Variants in PPM1E observed in about 807,000 individuals in gnomAD.
PPM1E encodes protein phosphatase 1E.
Under a neutral mutation model 65.9 loss-of-function variants are expected in PPM1E, and 20 were observed. That is an observed-to-expected ratio of 0.30 (90% confidence interval 0.21 to 0.44). PPM1E has a LOEUF of 0.44. Ranked by LOEUF, PPM1E falls within the 20% of genes least tolerant of loss-of-function variation. The pLI is 1.00. For synonymous variants in PPM1E, 352 were observed against 374.9 expected, an observed-to-expected ratio of 0.94 and a Z score of 0.70; for missense variants, 713 against 953.1, an observed-to-expected ratio of 0.75 and a Z score of 3.32.
At chr17:58,976,838 A>G (rs970781903) in intron 6 of PPM1E, among the ~76,000 whole-genome samples, 6 of 152,166 alleles carry the variant, frequency 3.9e-5, no homozygotes, top group African/African-American at 1.4e-4. Context: ...CACTAAAACA[A>G]GATTTTTGGG....
intron 1 of PPM1E, among the ~76,000 whole-genome samples, chr17:58,853,873 G>GTT (rs1220616189): frequency 1.3e-5 from 2 of 151,972 alleles, no homozygotes; most frequent in African/African-American, 4.8e-5. Flanking sequence ...CTCCAGCATT[G>GTT]TTTTTCCTTT....
chr17:58,927,032 AT>A (rs2051831139), intron 1 of PPM1E, among the ~76,000 whole-genome samples: 2 of 151,824 alleles, frequency 1.3e-5, no homozygotes, highest in African/African-American at 2.4e-5. Context: ...TCTGATAGAA[AT>A]TTGTCAGAAC....
intron 1 of PPM1E, among the ~76,000 whole-genome samples, chr17:58,841,878 T>A (rs570315432): frequency 6.6e-6 from 1 of 152,248 alleles, no homozygotes; most frequent in South Asian, 2.1e-4. Context: ...TGGCTAATTT[T>A]TGTATTTTTT....
chr17:58,890,252 T>G (rs2051328866), intron 1 of PPM1E, among the ~76,000 whole-genome samples: 1 of 152,194 alleles, frequency 6.6e-6, no homozygotes, highest in Admixed American at 6.5e-5. Context: ...TTAAGATTAT[T>G]TAACACAACT....
At position 58,972,373 on chromosome 17, in the gene PPM1E, T is replaced by TG. The variant is rs2030689900; in HGVS notation, c.1116+100dup. ...TCACTTACTTTTTTTTTTTTTGAGA[T>TG]GGAGTTTCACTCTGTTGCCCAGGCT... is the stretch of plus-strand genomic sequence containing the variant. On this transcript the variant is annotated intron_variant, in intron 5 of 6. Coordinates refer to ENST00000308249, the MANE Select transcript of PPM1E (RefSeq NM_014906.5). The TG allele has an allele frequency of 4.6e-6, 6 of 1,303,638 alleles. 1 individual carries two copies. In the South Asian group the frequency reaches 9.0e-5, roughly 20 times the overall value. 80.8% of individuals were successfully genotyped at this position (1,303,638 alleles called of 1,614,324 possible).
intron 1 of PPM1E, among the ~76,000 whole-genome samples, chr17:58,905,066 C>T (rs574738323): frequency 6.6e-6 from 1 of 151,078 alleles, no homozygotes; most frequent in East Asian, 1.9e-4. Context: ...CAAACAATTT[C>T]TCCTATAGTT....
chr17:58,784,618 G>A (rs1035780268), intron 1 of PPM1E, among the ~76,000 whole-genome samples: 12 of 149,852 alleles, frequency 8.0e-5, no homozygotes, highest in African/African-American at 2.7e-4. Flanking sequence ...TCCGCCTCCC[G>A]GGTTCAAGCA....
intron 1 of PPM1E, among the ~76,000 whole-genome samples, chr17:58,807,597 A>C (rs2050328099): frequency 6.6e-6 from 1 of 152,204 alleles, no homozygotes; most frequent in African/African-American, 2.4e-5. Flanking sequence ...TGACATATCA[A>C]TTTTTAAAAA....
intron 3 of PPM1E, among the ~76,000 whole-genome samples, chr17:58,967,004 T>C (rs900054843): frequency 1.3e-5 from 2 of 152,216 alleles, no homozygotes; most frequent in African/African-American, 4.8e-5. Context: ...TATATCACTA[T>C]ACCTACTTGA....
At chr17:58,849,380 A>C (rs1289941958) in intron 1 of PPM1E, among the ~76,000 whole-genome samples, 2 of 152,140 alleles carry the variant, frequency 1.3e-5, no homozygotes, top group African/African-American at 4.8e-5. Context: ...TCAATTTTAG[A>C]TCTTTCCTGC....
At chr17:58,817,307 A>G (rs1207896604) in intron 1 of PPM1E, among the ~76,000 whole-genome samples, 4 of 152,144 alleles carry the variant, frequency 2.6e-5, no homozygotes, top group East Asian at 1.9e-4. Flanking sequence ...GCCGGATCAT[A>G]TGGTAATTCT....
chr17:58,820,270 C>T (rs188526224), intron 1 of PPM1E, among the ~76,000 whole-genome samples: 26 of 152,196 alleles, frequency 1.7e-4, no homozygotes, highest in African/African-American at 3.6e-4. Flanking sequence ...CAATGATAAA[C>T]GGCATGAATT....
intron 1 of PPM1E, among the ~76,000 whole-genome samples, chr17:58,895,380 A>C (rs11650809): frequency 6.6e-6 from 1 of 151,998 alleles, no homozygotes; most frequent in Admixed American, 6.6e-5. Context: ...GAAATGATTA[A>C]GTTTAGTGAG....
intron 1 of PPM1E, chr17:58,785,458 T>TTATATATATATATATCTA (rs2050089727): frequency 1.1e-5 from 1 of 88,990 alleles, no homozygotes; most frequent in Non-Finnish European, 2.0e-5. Context: ...CCTGGCTAAT[T>TTATATATATATATATCTA]TATATATATA....
intron 1 of PPM1E, among the ~76,000 whole-genome samples, chr17:58,768,348 A>G (rs1016753666): frequency 2.6e-5 from 4 of 152,032 alleles, no homozygotes; most frequent in African/African-American, 4.8e-5. Flanking sequence ...CCAAAGTGCT[A>G]GGATTGTAGG....
At chr17:58,876,796 T>A (rs1169520993) in intron 1 of PPM1E, among the ~76,000 whole-genome samples, 2 of 152,200 alleles carry the variant, frequency 1.3e-5, no homozygotes, top group South Asian at 2.1e-4. Flanking sequence ...ATTTTATTTT[T>A]TTTTTGAGAC....
At chr17:58,879,500 A>AC (rs1157046593) in intron 1 of PPM1E, among the ~76,000 whole-genome samples, 1 of 124,432 alleles carries the variant, frequency 8.0e-6, no homozygotes, top group Non-Finnish European at 1.7e-5. Flanking sequence ...GCTGAGATTA[A>AC]CTTTTTTTTT....
chr17:58,854,195 C>T (rs537891275), intron 1 of PPM1E, among the ~76,000 whole-genome samples: 1 of 151,984 alleles, frequency 6.6e-6, no homozygotes, highest in Non-Finnish European at 1.5e-5. Flanking sequence ...TCTTAATTTC[C>T]TTGTCAGATT....
At chr17:58,861,612 T>C (rs1256292997) in intron 1 of PPM1E, among the ~76,000 whole-genome samples, 4 of 152,146 alleles carry the variant, frequency 2.6e-5, no homozygotes, top group Non-Finnish European at 5.9e-5. Flanking sequence ...TTCACCTTCG[T>C]TGGAGGGAGT....
Sources: gnomAD v4.1 joint callset for allele counts (sites outside exome capture counted in the v4.1 genomes callset) on GRCh38, gnomAD v4.1.1 for gene constraint, MANE v1.5 for transcripts, NCBI Gene and HGNC (gene_info 2026-07-23, HGNC 2026-07-21) for gene names.